ZNF804B: variants seen among roughly 807,000 people sequenced by gnomAD.
ZNF804B encodes zinc finger protein 804B.
A neutral mutation model predicts 101.4 loss-of-function variants in ZNF804B; 80 were observed. The ratio of observed to expected loss-of-function variants is 0.79; its 90% confidence interval spans 0.66 to 0.95. ZNF804B has a LOEUF of 0.95. ZNF804B is among the 40% of genes least tolerant of loss of function. The pLI is 0.00. For synonymous variants in ZNF804B, 622 were observed against 558.8 expected (o/e 1.11, Z -1.59); for missense variants, 1,673 against 1,561.9 (o/e 1.07, Z -1.20).
At chr7:89,087,106 C>T (rs1789816726) in intron 1 of ZNF804B, among the ~76,000 whole-genome samples, 1 of 150,012 alleles carries the variant, frequency 6.7e-6, no homozygotes, top group Non-Finnish European at 1.5e-5. Flanking sequence ...ACTCAGTGCA[C>T]TCATTGGTTT....
Position 89,153,536 on chromosome 7 carries a change from G to A in ZNF804B, c.109-64619G>A, listed in dbSNP as rs568419750. 9.9e-5 allele frequency among the ~76,000 whole-genome samples: 15 copies of A among 151,356 alleles called. No individual in the cohort carries two copies. The South Asian group carries it at 2.7e-3, about 27-fold the overall frequency. On this transcript the variant is annotated intron_variant, in intron 1 of 3. Coordinates refer to ENST00000333190, the MANE Select transcript of ZNF804B (RefSeq NM_181646.5). ...TACCCAAGAGCAAAAATGAATTTCCGAAGCCTGGTTATTAGTCTCTAGAGA... is the reference window on the plus strand; with the variant it reads ...TACCCAAGAGCAAAAATGAATTTCCAAAGCCTGGTTATTAGTCTCTAGAGA...
At chr7:88,908,682 C>T (rs780219023) in intron 1 of ZNF804B, among the ~76,000 whole-genome samples, 3 of 151,628 alleles carry the variant, frequency 2.0e-5, no homozygotes, top group Admixed American at 1.3e-4. Flanking sequence ...TTAGAGAAGA[C>T]GTTTTAGAAG....
chr7:88,809,872 G>A (rs1029202267), intron 1 of ZNF804B, among the ~76,000 whole-genome samples: 4 of 152,136 alleles, frequency 2.6e-5, no homozygotes, highest in African/African-American at 9.7e-5. Context: ...TTCAATATCA[G>A]TAACCATCCT....
intron 1 of ZNF804B, among the ~76,000 whole-genome samples, chr7:89,207,302 A>C (rs1468556339): frequency 1.3e-5 from 2 of 152,210 alleles, no homozygotes; most frequent in African/African-American, 4.8e-5. Flanking sequence ...ACAGTTCCAC[A>C]TGGCTGGGGA....
At chr7:89,265,436 A>G (rs779325714) in intron 2 of ZNF804B, among the ~76,000 whole-genome samples, 24 of 152,234 alleles carry the variant, frequency 1.6e-4, no homozygotes, top group Non-Finnish European at 3.1e-4. Context: ...CTTAGGGGAT[A>G]CTAATAGAAC....
At chr7:89,010,559 C>A (rs1788440635) in intron 1 of ZNF804B, among the ~76,000 whole-genome samples, 1 of 152,210 alleles carries the variant, frequency 6.6e-6, no homozygotes, top group East Asian at 1.9e-4. Context: ...TGGGTAACAA[C>A]AATTTGCTCA....
intron 2 of ZNF804B, among the ~76,000 whole-genome samples, chr7:89,280,680 A>G (rs975609236): frequency 2.0e-5 from 3 of 152,202 alleles, no homozygotes; most frequent in African/African-American, 7.2e-5. Flanking sequence ...TCCTCGACAC[A>G]TACACTCTCC....
Position 88,943,648 on chromosome 7 carries a change from C to A in ZNF804B, c.108+183564C>A, listed in dbSNP as rs186629825. 1.1e-4 allele frequency among the ~76,000 whole-genome samples: 16 copies of A among 151,856 alleles called. No homozygotes were observed. In the East Asian group the frequency reaches 2.3e-3, roughly 22 times the overall value. Reference sequence around the variant, plus strand: ...TTTATAGAGTACATTTCAATGAGTTCTGATAAATATAAACAATGTGACTAC... The same window carrying A: ...TTTATAGAGTACATTTCAATGAGTTATGATAAATATAAACAATGTGACTAC... On this transcript the variant is annotated intron_variant, in intron 1 of 3. Coordinates refer to ENST00000333190, the MANE Select transcript of ZNF804B (RefSeq NM_181646.5).
At chr7:89,130,205 C>G (rs747047805) in intron 1 of ZNF804B, among the ~76,000 whole-genome samples, 13 of 151,826 alleles carry the variant, frequency 8.6e-5, no homozygotes, top group Non-Finnish European at 1.6e-4. Context: ...GGCTGCGGGT[C>G]CCTTTATCTT....
At chr7:89,103,068 T>TTTG (rs1562885475) in intron 1 of ZNF804B, among the ~76,000 whole-genome samples, 9 of 138,912 alleles carry the variant, frequency 6.5e-5, no homozygotes, top group African/African-American at 2.2e-4. Context: ...TTTTTTTTTT[T>TTTG]TTTTTTTTTT....
chr7:89,092,560 G>A (rs981757555), intron 1 of ZNF804B, among the ~76,000 whole-genome samples: 2 of 151,644 alleles, frequency 1.3e-5, no homozygotes, highest in African/African-American at 4.8e-5. Flanking sequence ...CTACAGGCAC[G>A]TGCCACCATG....
At chr7:89,190,008 T>C (rs906368934) in intron 1 of ZNF804B, among the ~76,000 whole-genome samples, 1 of 152,080 alleles carries the variant, frequency 6.6e-6, no homozygotes. Context: ...TCATGTTTCA[T>C]AGAAAGAGGT....
rs1163281312 is a variant in ZNF804B, at chr7:89,136,321, AT to A, written c.109-81827del. Among the ~76,000 whole-genome samples, 7 of 152,086 alleles carry A rather than the reference AT, an allele frequency of 4.6e-5. No individual in the cohort carries two copies. In the South Asian group the frequency reaches 8.3e-4, roughly 18 times the overall value. Reference sequence around the variant, plus strand: ...AAGAATGCTATTTCTTTGTGTGTGTATTTTTTTGGGGGGGTCTCAATTTCTT... The same window carrying A: ...AAGAATGCTATTTCTTTGTGTGTGTATTTTTTGGGGGGGTCTCAATTTCTT... On this transcript the variant is annotated intron_variant, in intron 1 of 3. Transcript: ENST00000333190.
At chr7:88,887,257 AGTCCTC>A (rs1792142397) in intron 1 of ZNF804B, among the ~76,000 whole-genome samples, 2 of 58,874 alleles carry the variant, frequency 3.4e-5, no homozygotes, top group Non-Finnish European at 2.9e-5. Flanking sequence ...TGTCTGTTTA[AGTCCTC>A]TGCCCACTTT....
intron 1 of ZNF804B, among the ~76,000 whole-genome samples, chr7:89,085,105 T>G (rs968789213): frequency 4.0e-5 from 6 of 150,952 alleles, no homozygotes; most frequent in African/African-American, 1.5e-4. Flanking sequence ...CAAGTAACCC[T>G]GTTCAGCATT....
At chr7:89,036,749 A>G (rs373085765) in intron 1 of ZNF804B, among the ~76,000 whole-genome samples, 1 of 152,252 alleles carries the variant, frequency 6.6e-6, no homozygotes. Context: ...TGTTGGACAC[A>G]TTATGCTGTC....
At chr7:88,983,129 C>T (rs1177900998) in intron 1 of ZNF804B, among the ~76,000 whole-genome samples, 2 of 152,022 alleles carry the variant, frequency 1.3e-5, no homozygotes, top group Admixed American at 6.6e-5. Context: ...AATGCTCAGA[C>T]CCTCAGAAGT....
At chr7:88,917,750 G>A (rs531974197) in intron 1 of ZNF804B, among the ~76,000 whole-genome samples, 5 of 152,092 alleles carry the variant, frequency 3.3e-5, no homozygotes, top group Non-Finnish European at 7.4e-5. Context: ...AGAGGGATGG[G>A]TTGTTCATTG....
chr7:89,311,089 T>G (rs1754784791), intron 2 of ZNF804B, among the ~76,000 whole-genome samples: 1 of 152,204 alleles, frequency 6.6e-6, no homozygotes, highest in Non-Finnish European at 1.5e-5. Flanking sequence ...GACCTTGGTC[T>G]TGTCCACACG....
Sources: allele counts gnomAD v4.1 joint callset (sites outside exome capture counted in the v4.1 genomes callset), GRCh38; gene constraint gnomAD v4.1.1; transcripts MANE v1.5; gene names NCBI Gene and HGNC (gene_info 2026-07-23, HGNC 2026-07-21).